ATP13A5: variants seen among roughly 807,000 people sequenced by gnomAD.
ATP13A5 encodes the protein ATPase 13A5, also known as probable cation-transporting ATPase 13A5.
ATP13A5 carries 149 observed loss-of-function variants against 150.2 expected under a neutral mutation model. The observed-to-expected ratio is 0.99, with a 90% confidence interval of 0.87 to 1.14. The LOEUF is 1.14. Among genes scored for constraint, ATP13A5 ranks in the 50% most tolerant of loss-of-function variants. The pLI, the probability that ATP13A5 is intolerant of heterozygous loss-of-function variation, is 0.00. For missense variants in ATP13A5, 1,383 were observed against 1,449.3 expected (o/e 0.95, Z 0.74); for synonymous variants, 497 against 522.2 (o/e 0.95, Z 0.66).
At chr3:193,285,882 G>A (rs772196540) in intron 26 of ATP13A5, among the ~76,000 whole-genome samples, 11 of 152,150 alleles carry the variant, frequency 7.2e-5, no homozygotes, top group Non-Finnish European at 1.0e-4. Context: ...ATGTTATCTC[G>A]GTTAAAGGCA....
intron 1 of ATP13A5, among the ~76,000 whole-genome samples, chr3:193,369,552 T>G (rs1244935810): frequency 1.3e-5 from 2 of 152,198 alleles, no homozygotes; most frequent in East Asian, 3.8e-4. Flanking sequence ...CTCAGATTTT[T>G]TCTGAATATT....
At chr3:193,357,324 A>G (rs532233009) in intron 5 of ATP13A5, among the ~76,000 whole-genome samples, 2 of 152,278 alleles carry the variant, frequency 1.3e-5, no homozygotes, top group African/African-American at 4.8e-5. Context: ...AAGAGATCCC[A>G]TGAGGACGGG....
chr3:193,303,686 C>T lies in ATP13A5; in HGVS notation c.2678+1873G>A, dbSNP rs184693987. On this transcript the variant is annotated intron_variant, in intron 23 of 29. Transcript: ENST00000342358. ...AGACGTGAGGTAGCAGCACGTGATG[C>T]GAGAGTGGGACCTCAGCAAACCAGC... is the stretch of plus-strand genomic sequence containing the variant. Among the ~76,000 whole-genome samples, 191 of 151,970 alleles carry T rather than the reference C, an allele frequency of 1.3e-3. 1 individual carries two copies. Among genetic ancestry groups the T allele is most frequent in the Non-Finnish European group, 2.2e-3 (147 of 67,992 alleles).
intron 5 of ATP13A5, among the ~76,000 whole-genome samples, chr3:193,357,247 T>A (rs1215487637): frequency 6.6e-6 from 1 of 152,174 alleles, no homozygotes; most frequent in Non-Finnish European, 1.5e-5. Context: ...GAAAGCAGTT[T>A]AGAAAGCAAG....
intron 8 of ATP13A5, among the ~76,000 whole-genome samples, chr3:193,344,748 A>G (rs1712265280): frequency 6.6e-6 from 1 of 152,158 alleles, no homozygotes; most frequent in African/African-American, 2.4e-5. Flanking sequence ...GGGTGAGGGT[A>G]AGGCAAGCAA....
rs764478997 is a variant in ATP13A5 at position 193,344,027 on chromosome 3, C to A, written c.843G>T (p.Leu281Phe). 18 of 1,613,116 alleles carry A rather than the reference C, an allele frequency of 1.1e-5. No homozygotes were observed. The highest frequency in any genetic ancestry group is 2.7e-5 in the African/African-American group (2 of 74,836). The part of the protein sequence containing the change: ...KGLEELESRL[L>F]VPGDILILPG... ...GAAGAATAAGAATGTCTCCGGGAAC[C>A]AAGAGACGGGATTCCAGCTCCTCCA... Residue 281 changes from leucine (L) to phenylalanine (F), a missense_variant, in exon 9 of 30, where the codon TTG (leucine) becomes TTT (phenylalanine). This residue lies in a region of ATP13A5 where 787 missense variants were observed against 771.9 expected (regional missense o/e 1.02). Transcript: ENST00000342358.
At chr3:193,370,945 C>T (rs1000719812) in intron 1 of ATP13A5, among the ~76,000 whole-genome samples, 101 of 152,270 alleles carry the variant, frequency 6.6e-4, no homozygotes, top group African/African-American at 2.3e-3. Context: ...AAGAGATGAA[C>T]ATATCCCACT....
chr3:193,341,715 ACT>A (rs1712137223), intron 9 of ATP13A5, among the ~76,000 whole-genome samples: 1 of 152,224 alleles, frequency 6.6e-6, no homozygotes. Context: ...CAACTGTCTG[ACT>A]CATATTAGAT....
intron 9 of ATP13A5, among the ~76,000 whole-genome samples, chr3:193,343,332 CA>C (rs1406529269): frequency 1.3e-5 from 2 of 152,140 alleles, no homozygotes; most frequent in African/African-American, 4.8e-5. Flanking sequence ...TAACAAAGTA[CA>C]AATGAGAACT....
intron 14 of ATP13A5, chr3:193,323,082 C>T (rs1159057501): frequency 6.5e-6 from 1 of 153,128 alleles, no homozygotes; most frequent in African/African-American, 2.4e-5. Context: ...TTGGATATTA[C>T]AACAGAAGTT....
At chr3:193,358,342 A>C (rs897988460) in intron 5 of ATP13A5, among the ~76,000 whole-genome samples, 1 of 152,172 alleles carries the variant, frequency 6.6e-6, no homozygotes, top group Non-Finnish European at 1.5e-5. Flanking sequence ...TGTTTTATAA[A>C]GGGAGGAAGA....
intron 23 of ATP13A5, among the ~76,000 whole-genome samples, chr3:193,304,995 C>T (rs1381197073): frequency 1.4e-5 from 2 of 139,108 alleles, no homozygotes; most frequent in African/African-American, 5.0e-5. Context: ...AGAACAGCAT[C>T]GGGGAAACTG....
intron 1 of ATP13A5, among the ~76,000 whole-genome samples, chr3:193,364,730 G>GA (rs528633114): frequency 6.4e-4 from 98 of 152,188 alleles, no homozygotes; most frequent in African/African-American, 2.3e-3. Flanking sequence ...CATACATCTA[G>GA]CTTTATCCAT....
intron 9 of ATP13A5, among the ~76,000 whole-genome samples, chr3:193,337,716 T>C (rs1296109884): frequency 6.6e-6 from 1 of 152,242 alleles, no homozygotes; most frequent in Non-Finnish European, 1.5e-5. Context: ...CAATGTGGGC[T>C]CTTTTTTTGG....
At chr3:193,353,078 T>C (rs764771153) in intron 6 of ATP13A5, among the ~76,000 whole-genome samples, 9 of 151,910 alleles carry the variant, frequency 5.9e-5, no homozygotes, top group African/African-American at 1.2e-4. Flanking sequence ...TCATAACCAA[T>C]GAAGGCTTTC....
intron 27 of ATP13A5, among the ~76,000 whole-genome samples, chr3:193,284,181 C>T (rs1717621882): frequency 6.6e-6 from 1 of 151,652 alleles, no homozygotes; most frequent in Non-Finnish European, 1.5e-5. Context: ...GCCACCATGC[C>T]CAGCTAATTT....
intron 9 of ATP13A5, among the ~76,000 whole-genome samples, chr3:193,342,605 ATT>A (rs1712172742): frequency 6.6e-6 from 1 of 152,198 alleles, no homozygotes; most frequent in Non-Finnish European, 1.5e-5. Flanking sequence ...CATTTTGCAC[ATT>A]TGTTGAAAGG....
At chr3:193,367,668 A>C (rs1713283660) in intron 1 of ATP13A5, among the ~76,000 whole-genome samples, 1 of 152,172 alleles carries the variant, frequency 6.6e-6, no homozygotes, top group Non-Finnish European at 1.5e-5. Flanking sequence ...GCAAGGATTT[A>C]AAAATCAGTC....
intron 1 of ATP13A5, among the ~76,000 whole-genome samples, chr3:193,367,458 T>C (rs1209645209): frequency 6.6e-6 from 1 of 152,108 alleles, no homozygotes; most frequent in Non-Finnish European, 1.5e-5. Context: ...GTAGAAGAGA[T>C]GAAAATTCTC....
Sources: allele counts gnomAD v4.1 joint callset (sites outside exome capture counted in the v4.1 genomes callset), GRCh38; gene constraint gnomAD v4.1.1; regional missense constraint gnomAD v4.1.1; transcripts MANE v1.5; gene names NCBI Gene and HGNC (gene_info 2026-07-23, HGNC 2026-07-21).